ZNF385D: variants seen among roughly 807,000 people sequenced by gnomAD.
ZNF385D encodes zinc finger protein 385D, also known as zinc finger protein 659.
ZNF385D carries 15 observed loss-of-function variants against 35.8 expected under a neutral mutation model. The ratio of observed to expected loss-of-function variants is 0.42; its 90% CI spans 0.28 to 0.64. ZNF385D has a LOEUF of 0.64. Ranked by LOEUF, ZNF385D falls within the 30% of genes least tolerant of loss-of-function variation. The pLI is 0.23. For synonymous variants in ZNF385D, 212 were observed against 186.8 expected, an observed-to-expected ratio of 1.13 and a Z score of -1.10; for missense variants, 474 against 494.6, an observed-to-expected ratio of 0.96 and a Z score of 0.39.
At chr3:21,564,724 G>T (rs753210956) in intron 2 of ZNF385D, 40 bp from the exon 3 acceptor site, 2 of 1,305,976 alleles carry the variant, frequency 1.5e-6, no homozygotes, top group South Asian at 1.5e-5. Flanking sequence ...TAGAAATAAA[G>T]CTTGTCAGTT....
intron 3 of ZNF385D, among the ~76,000 whole-genome samples, chr3:22,121,907 T>C (rs1421316235): frequency 1.3e-5 from 2 of 152,108 alleles, no homozygotes; most frequent in East Asian, 1.9e-4. Flanking sequence ...CTATGTGTCT[T>C]AGAAGTTCAA....
chr3:21,512,277 T>C (rs1707273912), intron 3 of ZNF385D, among the ~76,000 whole-genome samples: 1 of 152,026 alleles, frequency 6.6e-6, no homozygotes, highest in Non-Finnish European at 1.5e-5. Context: ...ACCAGGAAGA[T>C]TCTTAACTTA....
upstream of ZNF385D, chr3:21,751,494 T>A (rs933252060): frequency 9.3e-6 from 9 of 972,536 alleles, no homozygotes; most frequent in Admixed American, 1.2e-4. Flanking sequence ...ACAACACTTT[T>A]ACCCCGCCCC....
chr3:22,020,973 G>C (rs1311162873), intron 3 of ZNF385D, among the ~76,000 whole-genome samples: 1 of 151,902 alleles, frequency 6.6e-6, no homozygotes, highest in Non-Finnish European at 1.5e-5. Context: ...GTCTTTTGCA[G>C]CAATATGGAT....
intron 2 of ZNF385D, among the ~76,000 whole-genome samples, chr3:22,247,144 C>A (rs922785860): frequency 2.0e-5 from 3 of 151,996 alleles, no homozygotes; most frequent in Non-Finnish European, 2.9e-5. Flanking sequence ...TAATTTCATG[C>A]AATTATCTTG....
intron 3 of ZNF385D, among the ~76,000 whole-genome samples, chr3:21,985,561 C>T (rs1423163620): frequency 8.1e-6 from 1 of 123,492 alleles, no homozygotes; most frequent in Non-Finnish European, 1.7e-5. Flanking sequence ...CTGCTGGATT[C>T]AGTTTGCCAG....
intron 1 of ZNF385D, among the ~76,000 whole-genome samples, chr3:21,671,121 G>T (rs564684042): frequency 6.6e-6 from 1 of 152,010 alleles, no homozygotes; most frequent in Non-Finnish European, 1.5e-5. Context: ...AATATTCATG[G>T]CTCCTTTTAT....
chr3:22,006,365 T>C (rs1198999460), intron 3 of ZNF385D, among the ~76,000 whole-genome samples: 2 of 152,122 alleles, frequency 1.3e-5, no homozygotes, highest in Non-Finnish European at 2.9e-5. Context: ...GTTTTTCAAG[T>C]AATAAAAAGC....
At chr3:21,776,878 C>T (rs1422738618) in intron 3 of ZNF385D, among the ~76,000 whole-genome samples, 2 of 151,914 alleles carry the variant, frequency 1.3e-5, no homozygotes, top group Non-Finnish European at 2.9e-5. Flanking sequence ...TGTCCAAAGA[C>T]ACAGATAGGT....
rs141150803 is a variant in ZNF385D, at chr3:21,555,255, T to C, written c.276+9319A>G. On this transcript the variant is annotated intron_variant, in intron 3 of 7. Coordinates refer to ENST00000281523, the MANE Select transcript of ZNF385D (RefSeq NM_024697.3). Reference sequence around the variant, plus strand: ...TTAATACTTTAAGTTCTGGGGTACATGTGCAGAACGTGCAGGTTTGTTACA... The same window carrying C: ...TTAATACTTTAAGTTCTGGGGTACACGTGCAGAACGTGCAGGTTTGTTACA... Among the ~76,000 whole-genome samples, 864 of 151,884 alleles carry C rather than the reference T, an allele frequency of 5.7e-3. 5 individuals are homozygous for C. The highest frequency in any genetic ancestry group is 8.6e-3 in the Non-Finnish European group (585 of 67,980).
chr3:21,718,100 C>T (rs1050737301), intron 1 of ZNF385D, among the ~76,000 whole-genome samples: 45 of 152,186 alleles, frequency 3.0e-4, no homozygotes, highest in African/African-American at 1.0e-3. Flanking sequence ...CTTTTTAAAT[C>T]ACTAGGCTAA....
intron 2 of ZNF385D, among the ~76,000 whole-genome samples, chr3:22,219,471 T>C (rs753388391): frequency 3.9e-5 from 6 of 152,122 alleles, no homozygotes; most frequent in Admixed American, 1.3e-4. Context: ...TCCAGGGAAT[T>C]ATCAGAAAGG....
intron 2 of ZNF385D, among the ~76,000 whole-genome samples, chr3:21,569,659 G>T (rs569079401): frequency 5.3e-5 from 8 of 151,354 alleles, no homozygotes; most frequent in Non-Finnish European, 1.0e-4. Flanking sequence ...TCCTCGTCTC[G>T]ATGGTCTTTA....
rs1303502830 is a variant in ZNF385D at position 21,750,987 on chromosome 3, A to G, written c.-71T>C. 1 of 1,612,868 alleles carries G rather than the reference A, an allele frequency of 6.2e-7. No homozygotes were observed. The highest frequency in any genetic ancestry group is 2.2e-5 in the East Asian group (1 of 44,860). On this transcript the variant is annotated 5_prime_UTR_variant, in exon 1 of 8. Transcript: ENST00000281523. ...CTCACCCAAGGCTGGCACGTAGAGC[A>G]GAGCCCTTTCATGCTACATTCGGTG... is the stretch of plus-strand genomic sequence containing the variant.
intron 3 of ZNF385D, among the ~76,000 whole-genome samples, chr3:22,152,054 G>A (rs138213636): frequency 3.9e-5 from 6 of 152,050 alleles, no homozygotes; most frequent in South Asian, 2.1e-4. Context: ...CCCTCTTTGC[G>A]TCTGTGTGTT....
At chr3:21,458,555 C>T (rs1702970896) in intron 4 of ZNF385D, among the ~76,000 whole-genome samples, 1 of 151,516 alleles carries the variant, frequency 6.6e-6, no homozygotes, top group East Asian at 2.0e-4. Context: ...TAAATCTCTA[C>T]CAATGATGAA....
chr3:22,257,537 C>T (rs575208191), intron 2 of ZNF385D, among the ~76,000 whole-genome samples: 14 of 151,808 alleles, frequency 9.2e-5, no homozygotes, highest in African/African-American at 3.1e-4. Flanking sequence ...AGGTTTTCTC[C>T]AGAATTTCAT....
chr3:22,031,419 A>G (rs28826978), intron 3 of ZNF385D, among the ~76,000 whole-genome samples: 21,447 of 152,132 alleles, frequency 0.14, 2,155 homozygotes, highest in African/African-American at 0.28. Flanking sequence ...CAGCTCTTGT[A>G]TTCTGCACAC....
At position 22,324,679 on chromosome 3, in the gene ZNF385D, G is replaced by T. The variant is rs539014514; in HGVS notation, c.106+47771C>A. Among the ~76,000 whole-genome samples, 6 of 152,198 alleles carry T rather than the reference G, an allele frequency of 3.9e-5. No individual in the cohort carries two copies. The South Asian group carries it at 1.2e-3, about 32-fold the overall frequency. On this transcript the variant is annotated intron_variant, in intron 2 of 5. Transcript: ENST00000494108. ...TCAACAGTATTTTAAAATAAAATTT[G>T]ACAAGCTAATTCTAAAATGCACTTG...
Sources: allele counts gnomAD v4.1 joint callset (sites outside exome capture counted in the v4.1 genomes callset), GRCh38; gene constraint gnomAD v4.1.1; transcripts MANE v1.5; gene names NCBI Gene and HGNC (gene_info 2026-07-23, HGNC 2026-07-21).